SPI1: variants seen among roughly 807,000 people sequenced by gnomAD.
The protein encoded by SPI1 is Spi-1 proto-oncogene, also known as transcription factor PU.1.
SPI1 carries 3 observed loss-of-function variants against 30.7 expected under a neutral mutation model. The observed-to-expected ratio is 0.10, with a 90% CI of 0.04 to 0.25. The LOEUF (loss-of-function observed/expected upper bound fraction) is 0.25. Among genes scored for constraint, SPI1 ranks in the 10% least tolerant of loss-of-function variants. The probability of loss-of-function intolerance (pLI) is 1.00; values close to 1 mark genes in which losing one functional copy is unlikely to be tolerated. For missense variants in SPI1, 261 were observed against 371.5 expected (o/e 0.70, Z 2.45); for synonymous variants, 169 against 157.1 (o/e 1.08, Z -0.56).
intron 2 of SPI1, among the ~76,000 whole-genome samples, chr11:47,360,698 T>G (rs1488419795): frequency 6.6e-6 from 1 of 151,176 alleles, no homozygotes; most frequent in Non-Finnish European, 1.5e-5. Context: ...TGGTGGTAGG[T>G]GCCGTAATCC....
intron 4 of SPI1, among the ~76,000 whole-genome samples, chr11:47,357,128 CCT>C (rs1484226323): frequency 1.3e-5 from 2 of 151,104 alleles, no homozygotes; most frequent in Non-Finnish European, 3.0e-5. Flanking sequence ...CATGCTCACA[CCT>C]CACACATGCT....
intron 4 of SPI1, 110 bp downstream of exon 4, chr11:47,358,734 C>A: frequency 9.1e-7 from 1 of 1,100,694 alleles, no homozygotes; most frequent in Non-Finnish European, 1.3e-6. Context: ...TGCACACACA[C>A]ACACACGCGA....
intron 2 of SPI1, among the ~76,000 whole-genome samples, chr11:47,373,211 G>A (rs1391795918): frequency 1.3e-5 from 2 of 151,992 alleles, no homozygotes; most frequent in Non-Finnish European, 2.9e-5. Flanking sequence ...AATTAGCTGA[G>A]CGTGGTGGCA....
intron 1 of SPI1, among the ~76,000 whole-genome samples, chr11:47,376,429 G>A (rs914718635): frequency 1.1e-4 from 16 of 152,136 alleles, no homozygotes; most frequent in Admixed American, 7.9e-4. Flanking sequence ...GCACCACAAT[G>A]ACCCTCCACA....
Position 47,378,477 on chromosome 11 carries a change from C to G in SPI1, c.-124G>C, listed in dbSNP as rs757635380. On this transcript the variant is annotated 5_prime_UTR_variant, in exon 1 of 5. Coordinates refer to ENST00000378538, the MANE Select transcript of SPI1 (RefSeq NM_003120.3). Reference sequence around the variant, plus strand: ...GGCGGGTGCAGGGCTCAGGCCTGCCCCCTGAGCTACAGGAGCCCTGGGTGA... The same window carrying G: ...GGCGGGTGCAGGGCTCAGGCCTGCCGCCTGAGCTACAGGAGCCCTGGGTGA... The G allele has an allele frequency of 5.1e-5, 52 of 1,016,616 alleles. No individual in the cohort carries two copies. Among genetic ancestry groups the G allele is most frequent in the South Asian group, 1.4e-4 (10 of 71,212 alleles). 63.0% of individuals were successfully genotyped at this position (1,016,616 alleles called of 1,614,324 possible). A position where few individuals can be genotyped will look rare whatever the true frequency, so the allele number is the denominator to read the frequency against.
intron 4 of SPI1, among the ~76,000 whole-genome samples, chr11:47,356,888 AC>A (rs1273056486): frequency 6.7e-6 from 1 of 149,712 alleles, no homozygotes; most frequent in Admixed American, 6.7e-5. Flanking sequence ...TCAGCTACAC[AC>A]ACACGCCCCT....
At chr11:47,369,879 C>T (rs1369832582) in intron 2 of SPI1, among the ~76,000 whole-genome samples, 1 of 152,194 alleles carries the variant, frequency 6.6e-6, no homozygotes, top group African/African-American at 2.4e-5. Flanking sequence ...CAAATCTGTA[C>T]AAAACATTTG....
At chr11:47,355,692 C>T in intron 4 of SPI1, 146 bp from the exon 5 acceptor site, 1 of 633,714 alleles carries the variant, frequency 1.6e-6, no homozygotes, top group Non-Finnish European at 2.7e-6. Context: ...GGCGTGCATA[C>T]ACAACGCACC....
chr11:47,357,046 C>T (rs184418446), intron 4 of SPI1, among the ~76,000 whole-genome samples: 6 of 151,808 alleles, frequency 4.0e-5, no homozygotes, highest in Non-Finnish European at 7.4e-5. Context: ...CACACTTATG[C>T]TTACAAACTC....
chr11:47,376,643 T>A (rs191730357), intron 1 of SPI1, among the ~76,000 whole-genome samples: 1 of 150,898 alleles, frequency 6.6e-6, no homozygotes, highest in Non-Finnish European at 1.5e-5. Context: ...CTGTCCTCCT[T>A]CTTTCCTCCC....
At chr11:47,358,049 T>C in intron 4 of SPI1, 1 of 163,350 alleles carries the variant, frequency 6.1e-6, no homozygotes, top group Non-Finnish European at 1.3e-5. Context: ...ACATATCCAC[T>C]CACATACATG....
At chr11:47,372,290 C>A (rs371876722) in intron 2 of SPI1, among the ~76,000 whole-genome samples, 11 of 152,218 alleles carry the variant, frequency 7.2e-5, no homozygotes, top group South Asian at 2.1e-4. Context: ...TGGGGTTTCA[C>A]CATGTTGGCC....
intron 4 of SPI1, chr11:47,358,268 G>C: frequency 4.5e-6 from 2 of 448,058 alleles, no homozygotes; most frequent in Non-Finnish European, 8.2e-6. Context: ...TCACACACCT[G>C]CTGTCACACC....
chr11:47,377,536 C>A (rs551183076), intron 1 of SPI1, among the ~76,000 whole-genome samples: 43 of 152,226 alleles, frequency 2.8e-4, no homozygotes, highest in Middle Eastern at 3.4e-3. Context: ...CACTTCTTCA[C>A]CCCCAAGACC....
chr11:47,376,496 CCTT>C (rs2095942478), intron 1 of SPI1, among the ~76,000 whole-genome samples: 1 of 152,024 alleles, frequency 6.6e-6, no homozygotes. Context: ...GCATGGAGGG[CCTT>C]GATCCCCTCA....
intron 1 of SPI1, among the ~76,000 whole-genome samples, chr11:47,376,392 G>A (rs986587601): frequency 6.6e-6 from 1 of 151,982 alleles, no homozygotes; most frequent in Non-Finnish European, 1.5e-5. Flanking sequence ...CACAGCCTAT[G>A]CCTCTCACAC....
intron 2 of SPI1, among the ~76,000 whole-genome samples, chr11:47,364,000 C>T (rs567096061): frequency 3.1e-4 from 47 of 149,872 alleles, no homozygotes; most frequent in South Asian, 6.3e-4. Context: ...CTGAGACTCT[C>T]CTCTGCAAAA....
chr11:47,366,496 C>T (rs1485596038), intron 2 of SPI1, among the ~76,000 whole-genome samples: 1 of 152,102 alleles, frequency 6.6e-6, no homozygotes, highest in East Asian at 1.9e-4. Flanking sequence ...AAAAAACCTT[C>T]TCAGAAGATC....
At position 47,376,824 on chromosome 11, in the gene SPI1, G is replaced by A. The variant is rs1388948577; in HGVS notation, c.46-1095C>T. 3.3e-5 allele frequency among the ~76,000 whole-genome samples: 5 copies of A among 152,250 alleles called. No homozygotes were observed. In the East Asian group the frequency reaches 9.7e-4, roughly 29 times the overall value. On this transcript the variant is annotated intron_variant, in intron 1 of 4. Coordinates refer to ENST00000378538, the MANE Select transcript of SPI1 (RefSeq NM_003120.3). ...GGGCTGGGCTTGGGGGACCGGGGCT[G>A]CCTTGGGAGCCCACCCTACCAGGAG...
Sources: allele counts gnomAD v4.1 joint callset (sites outside exome capture counted in the v4.1 genomes callset), GRCh38; gene constraint gnomAD v4.1.1; transcripts MANE v1.5; gene names NCBI Gene and HGNC (gene_info 2026-07-23, HGNC 2026-07-21).